The following ZNF385D variants were observed in gnomAD, a reference collection of about 807,000 sequenced individuals.
The protein encoded by ZNF385D is zinc finger protein 385D, also known as zinc finger protein 659.
In ZNF385D, 15 loss-of-function variants were observed where a neutral mutation model predicts 35.8. The ratio of observed to expected loss-of-function variants is 0.42; its 90% confidence interval spans 0.28 to 0.64. The LOEUF (loss-of-function observed/expected upper bound fraction) is 0.64, where lower values mean the gene tolerates loss of function less well. Ranked by LOEUF, ZNF385D falls within the 30% of genes least tolerant of loss-of-function variation. The pLI, the probability that ZNF385D is intolerant of heterozygous loss-of-function variation, is 0.23. For missense variants in ZNF385D, 474 were observed against 494.6 expected (o/e 0.96, Z 0.39); for synonymous variants, 212 against 186.8 (o/e 1.13, Z -1.10).
intron 4 of ZNF385D, among the ~76,000 whole-genome samples, chr3:21,449,403 C>A (rs17008812): frequency 0.011 from 1,695 of 152,140 alleles, 85 homozygotes; most frequent in Admixed American, 0.085. Context: ...CGTATTGGAG[C>A]CCATTTGATA....
At chr3:21,675,198 C>T (rs375204564) in intron 1 of ZNF385D, among the ~76,000 whole-genome samples, 14 of 152,142 alleles carry the variant, frequency 9.2e-5, no homozygotes, top group Admixed American at 2.6e-4. Context: ...TTGTTTTCTT[C>T]AGAAAAATAA....
intron 3 of ZNF385D, among the ~76,000 whole-genome samples, chr3:21,552,484 ATTGT>A (rs1263988440): frequency 5.9e-5 from 9 of 152,208 alleles, no homozygotes; most frequent in Admixed American, 1.3e-4. Context: ...TTCTGCAATG[ATTGT>A]TTGGTTTGTA....
chr3:21,474,314 C>G (rs73044482), intron 4 of ZNF385D, among the ~76,000 whole-genome samples: 7 of 152,240 alleles, frequency 4.6e-5, no homozygotes, highest in African/African-American at 1.7e-4. Flanking sequence ...CTTGTGAGGA[C>G]TGTGAGGATA....
intron 4 of ZNF385D, among the ~76,000 whole-genome samples, chr3:21,457,448 C>T (rs1026137467): frequency 9.9e-5 from 15 of 151,918 alleles, no homozygotes; most frequent in Non-Finnish European, 1.3e-4. Context: ...CTCCACCTCC[C>T]GGGTTCAGGT....
chr3:22,248,111 CCTGAAGATT>C (rs1420115052), intron 2 of ZNF385D, among the ~76,000 whole-genome samples: 3 of 152,060 alleles, frequency 2.0e-5, no homozygotes, highest in Non-Finnish European at 4.4e-5. Context: ...AACCTTGCTC[CCTGAAGATT>C]CTGTTTTCTG....
chr3:21,438,407 G>T (rs1303370464), intron 4 of ZNF385D, among the ~76,000 whole-genome samples: 4 of 152,118 alleles, frequency 2.6e-5, no homozygotes, highest in Non-Finnish European at 5.9e-5. Context: ...CAAGTGGTCT[G>T]TCTGCAATTA....
intron 3 of ZNF385D, among the ~76,000 whole-genome samples, chr3:21,921,841 T>C (rs1559756657): frequency 9.2e-6 from 1 of 109,202 alleles, no homozygotes; most frequent in South Asian, 3.7e-4. Context: ...GAATCAGTAA[T>C]GAAAAAAAAA....
intron 3 of ZNF385D, among the ~76,000 whole-genome samples, chr3:22,021,093 T>G (rs891594527): frequency 6.6e-6 from 1 of 151,874 alleles, no homozygotes; most frequent in African/African-American, 2.4e-5. Flanking sequence ...AGTGAAATGA[T>G]AGGCAGAGAC....
chr3:22,260,892 GAAC>G (rs1298704408), intron 2 of ZNF385D, among the ~76,000 whole-genome samples: 1 of 151,858 alleles, frequency 6.6e-6, no homozygotes, highest in African/African-American at 2.4e-5. Flanking sequence ...AGTTTTAGTA[GAAC>G]AATAAGTTTA....
chr3:22,256,015 T>C (rs985279532), intron 2 of ZNF385D, among the ~76,000 whole-genome samples: 3 of 151,668 alleles, frequency 2.0e-5, no homozygotes, highest in Non-Finnish European at 2.9e-5. Flanking sequence ...GCTGCTAGAA[T>C]ATAAGCAGGC....
intron 2 of ZNF385D, among the ~76,000 whole-genome samples, chr3:22,282,479 C>A (rs1254867312): frequency 6.6e-6 from 1 of 151,974 alleles, no homozygotes. Context: ...ATCTTGTTTT[C>A]ATTGTTGACC....
intron 3 of ZNF385D, among the ~76,000 whole-genome samples, chr3:21,977,547 G>T (rs1238106403): frequency 6.6e-6 from 1 of 152,076 alleles, no homozygotes; most frequent in Non-Finnish European, 1.5e-5. Flanking sequence ...GGCCTGGTGT[G>T]GTGGCTGATG....
intron 2 of ZNF385D, among the ~76,000 whole-genome samples, chr3:21,663,232 A>G (rs1035562284): frequency 1.2e-4 from 19 of 152,340 alleles, no homozygotes; most frequent in Non-Finnish European, 2.5e-4. Flanking sequence ...AGATTTGCTC[A>G]GGATCATGTA....
chr3:21,659,326 A>G (rs1393888890), intron 2 of ZNF385D, among the ~76,000 whole-genome samples: 1 of 152,144 alleles, frequency 6.6e-6, no homozygotes, highest in Non-Finnish European at 1.5e-5. Context: ...AGGACTCAAA[A>G]GTTTGTAAAA....
intron 2 of ZNF385D, among the ~76,000 whole-genome samples, chr3:21,584,620 GTTTTAT>G (rs1434686754): frequency 1.3e-5 from 2 of 151,932 alleles, no homozygotes; most frequent in Non-Finnish European, 2.9e-5. Flanking sequence ...TTAAAATTCT[GTTTTAT>G]TTTTGTCTTC....
At chr3:22,202,444 A>G (rs1696860385) in intron 2 of ZNF385D, among the ~76,000 whole-genome samples, 2 of 152,058 alleles carry the variant, frequency 1.3e-5, no homozygotes, top group Admixed American at 6.6e-5. Flanking sequence ...GGAGGTGAGT[A>G]ACAACAGGGT....
At chr3:21,758,497 C>T (rs757970425) in intron 3 of ZNF385D, among the ~76,000 whole-genome samples, 3 of 152,152 alleles carry the variant, frequency 2.0e-5, no homozygotes, top group Non-Finnish European at 2.9e-5. Flanking sequence ...AGTCAACCAT[C>T]AGGCAAGAGA....
At chr3:21,865,671 T>G (rs1479694798) in intron 3 of ZNF385D, among the ~76,000 whole-genome samples, 2 of 152,158 alleles carry the variant, frequency 1.3e-5, no homozygotes, top group African/African-American at 4.8e-5. Flanking sequence ...GGTGATCTTA[T>G]AGTTTGAGGA....
At chr3:21,556,752 T>C (rs1320019570) in intron 3 of ZNF385D, among the ~76,000 whole-genome samples, 1 of 152,204 alleles carries the variant, frequency 6.6e-6, no homozygotes, top group Non-Finnish European at 1.5e-5. Context: ...ATTGAATCTA[T>C]CAGTTACTTT....
Sources: allele counts gnomAD v4.1 joint callset (sites outside exome capture counted in the v4.1 genomes callset), GRCh38; gene constraint gnomAD v4.1.1; transcripts MANE v1.5; gene names NCBI Gene and HGNC (gene_info 2026-07-23, HGNC 2026-07-21).